The following TANGO6 variants were observed in gnomAD, a reference collection of about 807,000 sequenced individuals.
The protein encoded by TANGO6 is transport and Golgi organization protein 6 homolog.
TANGO6 carries 90 observed loss-of-function variants against 114.2 expected under a neutral mutation model. The ratio of observed to expected loss-of-function variants is 0.79; its 90% CI spans 0.66 to 0.94. The LOEUF is 0.94. TANGO6 is among the 40% of genes least tolerant of loss of function. The probability of loss-of-function intolerance (pLI) is 0.00; values close to 1 mark genes in which losing one functional copy is unlikely to be tolerated. For synonymous variants in TANGO6, 477 were observed against 509.8 expected, an observed-to-expected ratio of 0.94 and a Z score of 0.87; for missense variants, 1,274 against 1,315.3, an observed-to-expected ratio of 0.97 and a Z score of 0.49.
intron 5 of TANGO6, among the ~76,000 whole-genome samples, chr16:68,876,072 C>T (rs576578929): frequency 3.3e-5 from 5 of 152,218 alleles, no homozygotes; most frequent in Admixed American, 1.3e-4. Context: ...CATATACCAT[C>T]ATATGTGCAT....
intron 9 of TANGO6, among the ~76,000 whole-genome samples, 182 bp downstream of exon 9, chr16:68,902,686 T>G (rs2152182464): frequency 6.6e-6 from 1 of 152,336 alleles, no homozygotes; most frequent in South Asian, 2.1e-4. Flanking sequence ...GGTTTTTTCC[T>G]AAGATGCCTG....
Position 68,860,041 on chromosome 16 carries a change from A to C in TANGO6, c.252A>C (p.Pro84=), listed in dbSNP as rs753586924. The change falls in exon 2 of 18, where the codon CCA becomes CCC. Residue 84 remains proline, a synonymous_variant. Transcript: ENST00000261778. ...AAATTGCTGATAAGGCAGAATGGCC[A>C]CAAAACTCTGTGGATGTCACTTGGA... The part of the protein sequence containing the change: ...RDEIADKAEW[P]QNSVDVTWSF... 1 of 1,614,012 alleles carries C rather than the reference A, an allele frequency of 6.2e-7. No homozygotes were observed. Among genetic ancestry groups the C allele is most frequent in the East Asian group, 2.2e-5 (1 of 44,890 alleles).
chr16:69,076,372 G>A (rs528432304), intron 17 of TANGO6, among the ~76,000 whole-genome samples: 8 of 152,176 alleles, frequency 5.3e-5, no homozygotes, highest in East Asian at 1.9e-4. Context: ...GATTACATGC[G>A]TGAGCCACCG....
At chr16:68,851,288 TA>T (rs1314805584) in intron 1 of TANGO6, among the ~76,000 whole-genome samples, 3 of 152,008 alleles carry the variant, frequency 2.0e-5, no homozygotes, top group African/African-American at 7.3e-5. Flanking sequence ...GCCTCCCGAG[TA>T]ACTGGGATTA....
At chr16:68,876,015 G>A (rs949767807) in intron 5 of TANGO6, among the ~76,000 whole-genome samples, 1 of 152,096 alleles carries the variant, frequency 6.6e-6, no homozygotes, top group Non-Finnish European at 1.5e-5. Flanking sequence ...TCCCTCAGAG[G>A]TAGTCACTGC....
chr16:68,919,212 C>G lies in TANGO6; in HGVS notation c.2120C>G (p.Ala707Gly). The change falls in exon 12 of 18, where the codon GCT (alanine) becomes GGT (glycine). Residue 707 changes from alanine (A) to glycine (G), a missense_variant. By Grantham distance (60) the Ala-to-Gly change is moderately conservative. This residue lies in a region of TANGO6 where 908 missense variants were observed against 910.2 expected (regional missense o/e 1.00). Transcript: ENST00000261778. ...MGLVAVMLGG[A>G]VQLKSSDFAV... The stretch of plus-strand genomic sequence containing the variant: ...CTGGTGGCTGTCATGCTAGGAGGAG[C>G]TGTTCAGGTGAGTTGTAGACATGAG... The G allele has an allele frequency of 6.2e-7, 1 of 1,612,450 alleles. No homozygotes were observed. Among genetic ancestry groups the G allele is most frequent in the East Asian group, 2.2e-5 (1 of 44,872 alleles).
chr16:68,847,999 C>CAAA (rs1329686470), intron 1 of TANGO6, among the ~76,000 whole-genome samples: 72 of 62,284 alleles, frequency 1.2e-3, no homozygotes, highest in Non-Finnish European at 1.7e-3. Flanking sequence ...GACTCCATCA[C>CAAA]AAAAAAAAAA....
At chr16:69,016,734 A>G (rs1416345681) in intron 15 of TANGO6, among the ~76,000 whole-genome samples, 3 of 152,074 alleles carry the variant, frequency 2.0e-5, no homozygotes, top group Non-Finnish European at 2.9e-5. Flanking sequence ...ATCTCAGCTC[A>G]CTGCAACCTC....
At chr16:69,021,692 G>C (rs1317918106) in intron 15 of TANGO6, among the ~76,000 whole-genome samples, 1 of 151,926 alleles carries the variant, frequency 6.6e-6, no homozygotes, top group Non-Finnish European at 1.5e-5. Flanking sequence ...CACTCAATTT[G>C]CTTATCCAAG....
At chr16:69,007,197 A>G (rs1964099132) in intron 15 of TANGO6, 2 of 150,282 alleles carry the variant, frequency 1.3e-5, no homozygotes. Flanking sequence ...TGTATTGGTA[A>G]TTCATTTCTT....
intron 14 of TANGO6, among the ~76,000 whole-genome samples, chr16:68,958,505 A>G (rs112670890): frequency 2.3e-4 from 34 of 146,168 alleles, no homozygotes; most frequent in East Asian, 1.8e-3. Flanking sequence ...AAAAAAAAAA[A>G]AGAGAGAGGA....
chr16:68,923,661 G>A (rs1486771722), intron 12 of TANGO6, among the ~76,000 whole-genome samples: 12 of 152,294 alleles, frequency 7.9e-5, no homozygotes, highest in Non-Finnish European at 1.5e-4. Flanking sequence ...GCCTCATTTA[G>A]AGATGTCTTA....
intron 7 of TANGO6, among the ~76,000 whole-genome samples, chr16:68,889,273 G>A (rs78385340): frequency 0.024 from 3,620 of 152,246 alleles, 97 homozygotes; most frequent in African/African-American, 0.066. Context: ...TCCAAAGTCC[G>A]TAGTTTACAT....
Position 68,863,035 on chromosome 16 carries a change from C to A in TANGO6, c.826C>A (p.Leu276Ile), listed in dbSNP as rs769281909. 1.9e-6 allele frequency: 3 copies of A among 1,586,508 alleles called. No homozygotes were observed. The highest frequency in any genetic ancestry group is 1.8e-5 in the Admixed American group (1 of 55,712). The change falls in exon 3 of 18, where the codon CTT (leucine) becomes ATT (isoleucine). Residue 276 changes from leucine (L) to isoleucine (I), a missense_variant. Leu to Ile is a conservative substitution (Grantham distance 5, BLOSUM62 2). Coordinates refer to ENST00000261778, the MANE Select transcript of TANGO6 (RefSeq NM_024562.2). ...TCAGCCCTTAGCAGTCCGGGAACTG[C>A]TTATCCTCCAGGGAGGACCACCCCA... ...VYQPLAVREL[L>I]ILQGGPPQSC...
intron 15 of TANGO6, among the ~76,000 whole-genome samples, chr16:69,018,137 C>CTATTTTTTTTTTTTTT (rs1959334861): frequency 1.0e-5 from 1 of 96,154 alleles, no homozygotes; most frequent in African/African-American, 3.6e-5. Context: ...CGTTGGAAAT[C>CTATTTTTTTTTTTTTT]TCTTTTTTTT....
Position 68,988,748 on chromosome 16 carries a change from G to A in TANGO6, c.2842+14580G>A, listed in dbSNP as rs548695450. Among the ~76,000 whole-genome samples the A allele has an allele frequency of 1.3e-3, 169 of 134,662 alleles. 1 individual carries two copies. Among genetic ancestry groups the A allele is most frequent in the African/African-American group, 4.4e-3 (159 of 35,802 alleles). The allele number at this position is 134,662 out of a possible 152,430, so 88.3% of individuals were successfully genotyped here. On this transcript the variant is annotated intron_variant, in intron 15 of 17. Transcript: ENST00000261778. The stretch of plus-strand genomic sequence containing the variant: ...TCTCATTTGCTCTGTCTCCCAGGCT[G>A]AAGTACAGTGTTACAATCACAGCTC...
intron 14 of TANGO6, among the ~76,000 whole-genome samples, chr16:68,931,738 G>A (rs139297939): frequency 3.5e-4 from 53 of 152,278 alleles, no homozygotes; most frequent in African/African-American, 1.2e-3. Flanking sequence ...TCCTAGGGCT[G>A]GGGTAAAGGA....
At chr16:68,852,746 CT>C (rs919534863) in intron 1 of TANGO6, among the ~76,000 whole-genome samples, 2 of 151,998 alleles carry the variant, frequency 1.3e-5, no homozygotes, top group African/African-American at 4.8e-5. Flanking sequence ...GATGGGAGGA[CT>C]GCTTGAGCCC....
intron 14 of TANGO6, among the ~76,000 whole-genome samples, chr16:68,958,833 G>A (rs1183564283): frequency 6.6e-6 from 1 of 152,032 alleles, no homozygotes; most frequent in Non-Finnish European, 1.5e-5. Context: ...AGCTACTCAG[G>A]AGCCTGAGGC....
Sources: gnomAD v4.1 joint callset for allele counts (sites outside exome capture counted in the v4.1 genomes callset) on GRCh38, gnomAD v4.1.1 for gene constraint, gnomAD v4.1.1 regional missense constraint, MANE v1.5 for transcripts, NCBI Gene and HGNC (gene_info 2026-07-23, HGNC 2026-07-21) for gene names.